The following RSPH14 variants were observed in gnomAD, a reference collection of about 807,000 sequenced individuals.
RSPH14 encodes the protein radial spoke head 14 homolog.
A neutral mutation model predicts 26.7 loss-of-function variants in RSPH14; 20 were observed. That is an observed-to-expected ratio of 0.75 (90% CI 0.53 to 1.09). The LOEUF is 1.09. Ranked by LOEUF, RSPH14 falls within the 50% of genes least tolerant of loss-of-function variation. RSPH14 has a pLI of 0.00. For missense variants in RSPH14, 449 were observed against 457.2 expected (o/e 0.98, Z 0.16); for synonymous variants, 177 against 189.3 (o/e 0.93, Z 0.53).
chr22:23,138,925 T>C lies in RSPH14; in HGVS notation c.217A>G (p.Lys73Glu), dbSNP rs2070533930. The stretch of plus-strand genomic sequence containing the variant: ...CTGTTGCTATCCTTCAGCAAAGCTT[T>C]CAGGTTCTCCATACAGCCTAGAAAA... ...AMNIGCMENL[K>E]ALLKDSNSMV... Residue 73 changes from lysine to glutamate, a missense_variant, in exon 3 of 7, where the codon AAA (lysine) becomes GAA (glutamate). Lys to Glu is a moderately conservative substitution (Grantham distance 56). Coordinates refer to ENST00000216036, the MANE Select transcript of RSPH14 (RefSeq NM_014433.3). The C allele has an allele frequency of 1.3e-6, 2 of 1,546,230 alleles. No individual in the cohort carries two copies. Among genetic ancestry groups the C allele is most frequent in the Non-Finnish European group, 1.7e-6 (2 of 1,145,828 alleles).
chr22:23,133,017 C>G (rs2146436550), intron 4 of RSPH14: 1 of 152,218 alleles, frequency 6.6e-6, no homozygotes, highest in Admixed American at 6.5e-5. Context: ...TGTGCAGATG[C>G]AAGTATTTTA....
chr22:23,177,947 G>A, the RSPH14 span, among the ~76,000 whole-genome samples: 2 of 152,116 alleles, frequency 1.3e-5, no homozygotes, highest in Non-Finnish European at 2.9e-5. Flanking sequence ...CTACAGGCAC[G>A]AGGCACCATG....
the RSPH14 span, among the ~76,000 whole-genome samples, chr22:23,160,400 C>T: frequency 6.6e-6 from 1 of 152,248 alleles, no homozygotes; most frequent in Admixed American, 6.5e-5. Flanking sequence ...AGCCCGCTCT[C>T]TGATGGGCAG....
chr22:23,144,429 A>C (rs951547294), upstream of RSPH14, among the ~76,000 whole-genome samples: 3 of 152,210 alleles, frequency 2.0e-5, no homozygotes, highest in African/African-American at 7.2e-5. Flanking sequence ...CACTTTCACC[A>C]TCTCAGGTGA....
At chr22:23,176,264 GGAGA>G in the RSPH14 span, among the ~76,000 whole-genome samples, 10 of 152,206 alleles carry the variant, frequency 6.6e-5, no homozygotes, top group African/African-American at 2.4e-4. Flanking sequence ...CTGGGTGTGG[GGAGA>G]GAAGCTGAGG....
chr22:23,136,988 C>T lies in RSPH14; in HGVS notation c.302+1852G>A, dbSNP rs571027371. On this transcript the variant is annotated intron_variant, in intron 3 of 6. Transcript: ENST00000216036. ...TGTCCCTACTTCACTGGTCTGTCTG[C>T]AGTGCCAGCCTGCCCTTCTTGGTAC... Among the ~76,000 whole-genome samples, 88 of 139,150 alleles carry T rather than the reference C, an allele frequency of 6.3e-4. 13 individuals carry two copies. The highest frequency in any genetic ancestry group is 2.1e-3 in the African/African-American group (84 of 39,180). The allele number at this position is 139,150 out of a possible 152,430, so 91.3% of individuals were successfully genotyped here. A position where few individuals can be genotyped will look rare whatever the true frequency, so the allele number is the denominator to read the frequency against.
At chr22:23,099,332 C>G (rs560660861) in intron 4 of RSPH14, among the ~76,000 whole-genome samples, 6 of 152,250 alleles carry the variant, frequency 3.9e-5, no homozygotes, top group African/African-American at 1.4e-4. Flanking sequence ...TCCATGGCCA[C>G]GGTTCCCACC....
At chr22:23,165,943 G>A in the RSPH14 span, among the ~76,000 whole-genome samples, 1 of 152,096 alleles carries the variant, frequency 6.6e-6, no homozygotes, top group Non-Finnish European at 1.5e-5. Context: ...TCAGGAGATA[G>A]AGACCATCCT....
intron 4 of RSPH14, chr22:23,122,995 C>A: frequency 1.2e-6 from 1 of 843,354 alleles, no homozygotes; most frequent in Non-Finnish European, 1.9e-6. Flanking sequence ...GGCTGAGACC[C>A]TAGCAAAGGC....
intron 3 of RSPH14, 54 bp downstream of exon 3, chr22:23,138,785 CA>C (rs1355291220): frequency 3.5e-6 from 5 of 1,444,552 alleles, no homozygotes; most frequent in Non-Finnish European, 4.7e-6. Context: ...TGCATCCACC[CA>C]GGGGAGAAGT....
rs1368364823 is a variant in RSPH14 at position 23,137,598 on chromosome 22, G to A, written c.302+1242C>T. Among the ~76,000 whole-genome samples, 4 of 152,056 alleles carry A rather than the reference G, an allele frequency of 2.6e-5. No homozygotes were observed. The South Asian group carries it at 6.2e-4, about 24-fold the overall frequency. ...TTTTTTTCCCTTCAAATCCTGAACC[G>A]ATTTGAAGCCTCTCTGAATGGCTGC... On this transcript the variant is annotated intron_variant, in intron 3 of 6. Transcript: ENST00000216036.
Position 23,135,341 on chromosome 22 carries a change from A to T in RSPH14, c.303-1197T>A, listed in dbSNP as rs1226434867. Among the ~76,000 whole-genome samples, 3 of 133,636 alleles carry T rather than the reference A, an allele frequency of 2.2e-5. No homozygotes were observed. The South Asian group carries it at 6.8e-4, about 30-fold the overall frequency. The allele number at this position is 133,636 out of a possible 152,430, so 87.7% of individuals were successfully genotyped here. On this transcript the variant is annotated intron_variant, in intron 3 of 6. Coordinates refer to ENST00000216036, the MANE Select transcript of RSPH14 (RefSeq NM_014433.3). ...ACAAAAAAAAAAAAAAAAAAAAAAA[A>T]ATTAGCTGGGTGTGGTGGCGGGCGC... is the stretch of plus-strand genomic sequence containing the variant.
At chr22:23,094,539 C>T (rs746502226) in intron 4 of RSPH14, among the ~76,000 whole-genome samples, 6 of 152,218 alleles carry the variant, frequency 3.9e-5, no homozygotes, top group Admixed American at 3.9e-4. Context: ...CGCAGCACCA[C>T]GTGCAGCCCC....
intron 4 of RSPH14, among the ~76,000 whole-genome samples, chr22:23,097,749 C>T (rs551493007): frequency 5.2e-4 from 79 of 152,366 alleles, no homozygotes; most frequent in African/African-American, 1.7e-3. Context: ...CTTGATGAGG[C>T]ATGGCCGTGG....
intron 4 of RSPH14, chr22:23,095,799 A>T (rs2069106385): frequency 6.2e-7 from 1 of 1,613,318 alleles, no homozygotes; most frequent in African/African-American, 1.3e-5. Flanking sequence ...CGCGAAATCA[A>T]GCTGCTCCTG....
intron 4 of RSPH14, among the ~76,000 whole-genome samples, chr22:23,066,039 T>C (rs1460340338): frequency 6.6e-6 from 1 of 152,132 alleles, no homozygotes; most frequent in Non-Finnish European, 1.5e-5. Flanking sequence ...CTCCTGGCTA[T>C]AGATTCAACT....
chr22:23,093,382 A>C (rs2069041570), intron 4 of RSPH14, among the ~76,000 whole-genome samples: 1 of 152,156 alleles, frequency 6.6e-6, no homozygotes, highest in African/African-American at 2.4e-5. Flanking sequence ...GTGCTTACTG[A>C]ACACCCACTG....
At chr22:23,116,280 G>C (rs942921439) in intron 4 of RSPH14, among the ~76,000 whole-genome samples, 4 of 152,278 alleles carry the variant, frequency 2.6e-5, no homozygotes, top group Non-Finnish European at 4.4e-5. Flanking sequence ...GTAACTTGGA[G>C]GTGGAGCTGC....
chr22:23,173,124 CTT>C, the RSPH14 span, among the ~76,000 whole-genome samples: 8 of 151,828 alleles, frequency 5.3e-5, no homozygotes, highest in Admixed American at 3.3e-4. Context: ...ACCACAGTTT[CTT>C]TCTTTCTTTT....
Sources: gnomAD v4.1 joint callset for allele counts (sites outside exome capture counted in the v4.1 genomes callset) on GRCh38, gnomAD v4.1.1 for gene constraint, MANE v1.5 for transcripts, NCBI Gene and HGNC (gene_info 2026-07-23, HGNC 2026-07-21) for gene names.